Variants in SVIL observed in about 807,000 individuals in gnomAD.
SVIL encodes the protein supervillin.
Under a neutral mutation model 240.4 loss-of-function variants are expected in SVIL, and 101 were observed. The ratio of observed to expected loss-of-function variants is 0.42; its 90% CI spans 0.36 to 0.50. The LOEUF (loss-of-function observed/expected upper bound fraction) is 0.50. Ranked by LOEUF, SVIL falls within the 20% of genes least tolerant of loss-of-function variation. The probability of loss-of-function intolerance (pLI) is 0.01; values close to 1 mark genes in which losing one functional copy is unlikely to be tolerated. For missense variants in SVIL, 2,512 were observed against 2,818.7 expected (o/e 0.89, Z 2.46); for synonymous variants, 999 against 1,100.0 (o/e 0.91, Z 1.82).
chr10:29,637,211 G>T (rs1358402302), upstream of SVIL, among the ~76,000 whole-genome samples: 1 of 152,160 alleles, frequency 6.6e-6, no homozygotes, highest in African/African-American at 2.4e-5. Context: ...TAGTCTGGGC[G>T]TGGTGGCTCA....
chr10:29,634,072 G>A (rs779008521), intron 1 of SVIL, among the ~76,000 whole-genome samples: 8 of 151,952 alleles, frequency 5.3e-5, no homozygotes, highest in South Asian at 2.1e-4. Context: ...ATTAAAGTAC[G>A]TTGCATTGTG....
At chr10:29,674,536 T>C (rs1261536460) in intron 2 of SVIL, among the ~76,000 whole-genome samples, 1 of 152,186 alleles carries the variant, frequency 6.6e-6, no homozygotes, top group Non-Finnish European at 1.5e-5. Flanking sequence ...TGGAGTTACT[T>C]ATATTCCATA....
intron 1 of SVIL, among the ~76,000 whole-genome samples, chr10:29,624,490 ATCGATCATGTCAGCCTGG>A (rs1474619886): frequency 7.2e-5 from 11 of 152,202 alleles, no homozygotes; most frequent in African/African-American, 2.7e-4. Flanking sequence ...GTGAGCTGAG[ATCGATCATGTCAGCCTGG>A]GCGACAGAGT....
chr10:29,552,562 C>CAAAA (rs3031442), intron 5 of SVIL, among the ~76,000 whole-genome samples: 17,711 of 81,548 alleles, frequency 0.22, 1,353 homozygotes, highest in Admixed American at 0.29. Flanking sequence ...GACTCTGTCT[C>CAAAA]AAAAAAAAAA....
intron 7 of SVIL, among the ~76,000 whole-genome samples, chr10:29,533,772 T>C (rs1365737292): frequency 1.3e-5 from 2 of 152,158 alleles, no homozygotes; most frequent in African/African-American, 4.8e-5. Flanking sequence ...AAAAATGCGT[T>C]AATATCCACC....
chr10:29,578,496 C>A (rs1378241424), intron 1 of SVIL, among the ~76,000 whole-genome samples: 7 of 152,210 alleles, frequency 4.6e-5, no homozygotes, highest in Admixed American at 4.6e-4. Flanking sequence ...TCACCAAGAT[C>A]CTTGATAACA....
At chr10:29,509,455 T>A (rs1949665041) in intron 17 of SVIL, among the ~76,000 whole-genome samples, 1 of 151,472 alleles carries the variant, frequency 6.6e-6, no homozygotes, top group South Asian at 2.1e-4. Flanking sequence ...CTCTTGATCA[T>A]CAATCCTCAT....
At position 29,526,109 on chromosome 10, in the gene SVIL, C is replaced by T. The variant is rs369595005; in HGVS notation, c.2342+852G>A. Among the ~76,000 whole-genome samples the T allele has an allele frequency of 6.6e-5, 10 of 152,260 alleles. No individual in the cohort carries two copies. In the East Asian group the frequency reaches 1.2e-3, roughly 18 times the overall value. ...CTGAAACACGACAGTAAAACATCTA[C>T]GTTTAGACACTACAAATTGTTATTT... On this transcript the variant is annotated intron_variant, in intron 13 of 37. Coordinates refer to ENST00000355867, the MANE Select transcript of SVIL (RefSeq NM_021738.3).
At chr10:29,565,884 C>A (rs1372483805) in intron 2 of SVIL, among the ~76,000 whole-genome samples, 3 of 151,908 alleles carry the variant, frequency 2.0e-5, no homozygotes, top group East Asian at 1.9e-4. Flanking sequence ...CAGAGTGAGA[C>A]CCTGTCTGTT....
rs1269018109 is a variant in SVIL, at chr10:29,458,176, A to G, written c.*71T>C. ...CTTTGTGAAAAACACCAGTCCAAAA[A>G]TATATATCCATTTCCCTGGTGCAGT... is the stretch of plus-strand genomic sequence containing the variant. On this transcript the variant is annotated 3_prime_UTR_variant, in exon 38 of 38. Transcript: ENST00000355867. 1 of 1,447,842 alleles carries G rather than the reference A, an allele frequency of 6.9e-7. No homozygotes were observed. Among genetic ancestry groups the G allele is most frequent in the Non-Finnish European group, 9.5e-7 (1 of 1,056,646 alleles). The allele number at this position is 1,447,842 out of a possible 1,614,324, so 89.7% of individuals were successfully genotyped here.
In SVIL at chr10:29,532,661, C is replaced by T. The variant is rs763164340; in HGVS notation, c.1706G>A (p.Arg569Lys). ...ALKYKDPASRRELELPSSKTE... is the reference protein window; with the variant it reads ...ALKYKDPASRKELELPSSKTE... ...CTTGGAGCTGGGCAGCTCCAGCTCT[C>T]TCCTGGAAGCTGGGTCCTTATACTT... is the stretch of plus-strand genomic sequence containing the variant. Residue 569 changes from arginine to lysine, a missense_variant, in exon 8 of 38, where the codon AGA becomes AAA. Transcript: ENST00000355867. 1.2e-6 allele frequency: 2 copies of T among 1,614,198 alleles called. No individual in the cohort carries two copies. Among genetic ancestry groups the T allele is most frequent in the South Asian group, 2.2e-5 (2 of 91,090 alleles).
chr10:29,658,567 C>T (rs2133031421), intron 2 of SVIL, among the ~76,000 whole-genome samples: 1 of 152,236 alleles, frequency 6.6e-6, no homozygotes, highest in South Asian at 2.1e-4. Context: ...GACCAGTCTG[C>T]AACAAAGTGA....
At chr10:29,612,024 A>G (rs2505908) in intron 1 of SVIL, among the ~76,000 whole-genome samples, 21,162 of 152,080 alleles carry the variant, frequency 0.14, 1,621 homozygotes, top group Middle Eastern at 0.22. Context: ...GTTTTTCTCC[A>G]GAAATATTCT....
chr10:29,696,704 C>T (rs1290757874), intron 1 of SVIL, among the ~76,000 whole-genome samples: 1 of 148,934 alleles, frequency 6.7e-6, no homozygotes, highest in Non-Finnish European at 1.5e-5. Flanking sequence ...AGTGAGGAGA[C>T]CCTCCTCCTG....
At chr10:29,728,707 G>T (rs1206144760) in intron 1 of SVIL, among the ~76,000 whole-genome samples, 2 of 152,178 alleles carry the variant, frequency 1.3e-5, no homozygotes, top group African/African-American at 4.8e-5. Context: ...GACACAAAAG[G>T]TGAGCTAGCA....
At chr10:29,598,780 T>C (rs1033361102) in intron 1 of SVIL, among the ~76,000 whole-genome samples, 2 of 152,262 alleles carry the variant, frequency 1.3e-5, no homozygotes, top group African/African-American at 2.4e-5. Context: ...AAAAGCCTGT[T>C]AGGTTTTATT....
At chr10:29,720,275 A>G (rs1284994546) in intron 1 of SVIL, among the ~76,000 whole-genome samples, 1 of 152,242 alleles carries the variant, frequency 6.6e-6, no homozygotes, top group East Asian at 1.9e-4. Context: ...GGTAAGAATG[A>G]TAGCAGATTT....
At chr10:29,560,516 G>C (rs1954356347) in intron 3 of SVIL, among the ~76,000 whole-genome samples, 1 of 152,074 alleles carries the variant, frequency 6.6e-6, no homozygotes, top group Non-Finnish European at 1.5e-5. Flanking sequence ...TTGATTACTT[G>C]TTTGTGATAC....
chr10:29,539,154 G>A lies in SVIL; in HGVS notation c.828-3085C>T, dbSNP rs139645141. On this transcript the variant is annotated intron_variant, in intron 6 of 37. Transcript: ENST00000355867. ...CACTCCAGCCTGGGAGACAGAGTGA[G>A]ACTCGGCCTCTAATAAATAAATAAA... is the stretch of plus-strand genomic sequence containing the variant. 5.8e-3 allele frequency among the ~76,000 whole-genome samples: 848 copies of A among 145,392 alleles called. 11 individuals are homozygous for A. Among genetic ancestry groups the A allele is most frequent in the African/African-American group, 0.021 (814 of 39,538 alleles).
Sources: allele counts gnomAD v4.1 joint callset (sites outside exome capture counted in the v4.1 genomes callset), GRCh38; gene constraint gnomAD v4.1.1; transcripts MANE v1.5; gene names NCBI Gene and HGNC (gene_info 2026-07-23, HGNC 2026-07-21).